Variants in GRIN1 observed in about 807,000 individuals in gnomAD.
The protein encoded by GRIN1 is glutamate ionotropic receptor NMDA type subunit 1, also known as glutamate receptor ionotropic, NMDA 1.
GRIN1 carries 38 observed loss-of-function variants against 103.0 expected under a neutral mutation model. That is an observed-to-expected ratio of 0.37 (90% CI 0.28 to 0.48). The LOEUF (loss-of-function observed/expected upper bound fraction) is 0.48. GRIN1 is among the 20% of genes least tolerant of loss of function. The probability of loss-of-function intolerance (pLI) is 0.98; values close to 1 mark genes in which losing one functional copy is unlikely to be tolerated. For synonymous variants in GRIN1, 544 were observed against 532.7 expected, an observed-to-expected ratio of 1.02 and a Z score of -0.29; for missense variants, 577 against 1,288.9, an observed-to-expected ratio of 0.45 and a Z score of 8.46.
chr9:137,150,291 A>C (rs1012904566), intron 4 of GRIN1, among the ~76,000 whole-genome samples: 1 of 152,140 alleles, frequency 6.6e-6, no homozygotes, highest in Non-Finnish European at 1.5e-5. Context: ...ACAGGTCCCA[A>C]AGAAGGAATG....
chr9:137,142,253 C>T, intron 2 of GRIN1, 106 bp downstream of exon 2: 1 of 1,095,886 alleles, frequency 9.1e-7, no homozygotes, highest in Non-Finnish European at 1.4e-6. Context: ...TCACACACCA[C>T]AAACAGCCAC....
chr9:137,163,544 T>C lies in GRIN1; in HGVS notation c.2334-15T>C, dbSNP rs1210728412. 4 of 1,582,714 alleles carry C rather than the reference T, an allele frequency of 2.5e-6. No individual in the cohort carries two copies. The highest frequency in any genetic ancestry group is 3.3e-5 in the Admixed American group (2 of 59,980). On this transcript the variant is annotated splice_polypyrimidine_tract_variant and intron_variant, in intron 16 of 19. Transcript: ENST00000371561. ...GGCCCCGCCTCACTGCAGGCTCACT[T>C]GTTCCCACCGCCAGGTCCCACGAGA...
chr9:137,148,277 C>T, intron 3 of GRIN1: 1 of 1,074,052 alleles, frequency 9.3e-7, no homozygotes, highest in Non-Finnish European at 1.4e-6. Flanking sequence ...GCGCCTCGGC[C>T]ACTAGGGCCA....
In GRIN1 at chr9:137,146,595, C is replaced by T. The variant is rs1330522796; in HGVS notation, c.570+693C>T. On this transcript the variant is annotated intron_variant, in intron 3 of 19. Transcript: ENST00000371561. The surrounding 1 kb of genome is among the most constrained non-coding windows in gnomAD (Gnocchi z 6.7). ...CTGTGGGGCTGCAGAGAGATCAGAGCTGGGATTTGGGGGGGTCCGAGCGAC... is the reference window on the plus strand; with the variant it reads ...CTGTGGGGCTGCAGAGAGATCAGAGTTGGGATTTGGGGGGGTCCGAGCGAC... Among the ~76,000 whole-genome samples, 1 of 152,174 alleles carries T rather than the reference C, an allele frequency of 6.6e-6. No homozygotes were observed. The highest frequency in any genetic ancestry group is 1.9e-4 in the East Asian group (1 of 5,178).
At chr9:137,148,084 C>A in intron 3 of GRIN1, 1 of 1,060,696 alleles carries the variant, frequency 9.4e-7, no homozygotes, top group South Asian at 1.4e-5. Context: ...GCTTTAGCGC[C>A]GTCATTTTCA....
chr9:137,161,241 G>A (rs1290856205), intron 9 of GRIN1, 44 bp downstream of exon 9: 2 of 1,610,078 alleles, frequency 1.2e-6, no homozygotes, highest in East Asian at 2.2e-5. Flanking sequence ...CAGGGCGCGG[G>A]GCGTGGGGCG....
In GRIN1 at chr9:137,156,339, A is replaced by G. The variant is rs115011370; in HGVS notation, c.672-330A>G. On this transcript the variant is annotated intron_variant, in intron 4 of 19. Transcript: ENST00000371561. ...TCCCATAAGCCAGGTATCTAACCCC[A>G]TCCCTGCTCCCCCAAGGTAAGGGCC... is the stretch of plus-strand genomic sequence containing the variant. 0.022 allele frequency among the ~76,000 whole-genome samples: 3,289 copies of G among 151,924 alleles called. 112 individuals are homozygous for G. Among genetic ancestry groups the G allele is most frequent in the African/African-American group, 0.074 (3,074 of 41,396 alleles).
chr9:137,166,945 T>C (rs1833911502), intron 19 of GRIN1, among the ~76,000 whole-genome samples: 1 of 152,160 alleles, frequency 6.6e-6, no homozygotes, highest in Non-Finnish European at 1.5e-5. Flanking sequence ...GTGCAGGTGA[T>C]GGGCCACTTT....
chr9:137,161,563 G>A, intron 10 of GRIN1, 147 bp downstream of exon 10: 1 of 734,092 alleles, frequency 1.4e-6, no homozygotes, highest in South Asian at 1.7e-5. Flanking sequence ...CTGCGGGCTG[G>A]GTCCTGGCGT....
At chr9:137,140,279 C>T (rs1212961779) in intron 1 of GRIN1, among the ~76,000 whole-genome samples, 1 of 152,190 alleles carries the variant, frequency 6.6e-6, no homozygotes, top group African/African-American at 2.4e-5. Flanking sequence ...GGCATCAGGG[C>T]ATGGGAGCTG....
intron 4 of GRIN1, among the ~76,000 whole-genome samples, chr9:137,152,402 C>T (rs1250173596): frequency 6.6e-6 from 1 of 152,184 alleles, no homozygotes; most frequent in Non-Finnish European, 1.5e-5. Context: ...CTAAAACATA[C>T]CTGTTCCACT....
At chr9:137,141,483 C>G (rs926957468) in intron 1 of GRIN1, among the ~76,000 whole-genome samples, 1 of 152,196 alleles carries the variant, frequency 6.6e-6, no homozygotes, top group Non-Finnish European at 1.5e-5. Flanking sequence ...TCAGACAGAG[C>G]CCGTCACAGG....
In GRIN1 at chr9:137,157,044, G is replaced by A. The variant is rs201212306; in HGVS notation, c.968+7G>A. 3.1e-5 allele frequency: 50 copies of A among 1,607,852 alleles called. No homozygotes were observed. The highest frequency in any genetic ancestry group is 4.2e-5 in the Non-Finnish European group (50 of 1,177,408). ...CCGGGCCGCTCTTCAAGAGGTGGGC[G>A]GGGCCTCCCCGGAGCTGGGCGGGGC... On this transcript the variant is annotated splice_region_variant and intron_variant, in intron 6 of 19. Coordinates refer to ENST00000371561, the MANE Select transcript of GRIN1 (RefSeq NM_007327.4).
rs770728444 is a variant in GRIN1, at chr9:137,165,191, A to G, written c.2595A>G (p.Arg865=). Residue 865 remains arginine (R), a synonymous_variant, in exon 19 of 20, where the codon AGA becomes AGG. Transcript: ENST00000371561. ...VNVWRKNLQD[R]KSGRAEPDPK... ...CTTATACATATTCATTTTAGGATAG[A>G]AAGAGTGGTAGAGCAGAGCCTGACC... 7 of 1,601,482 alleles carry G rather than the reference A, an allele frequency of 4.4e-6. No homozygotes were observed. The Admixed American group carries it at 1.2e-4, about 27-fold the overall frequency.
intron 18 of GRIN1, 163 bp from the exon 19 acceptor site, chr9:137,165,023 C>T (rs1367165261): frequency 1.5e-6 from 1 of 682,632 alleles, no homozygotes; most frequent in African/African-American, 1.8e-5. Flanking sequence ...GAAGAGGCCA[C>T]CCTCGAACGT....
At chr9:137,144,446 A>T (rs558286843) in intron 2 of GRIN1, among the ~76,000 whole-genome samples, 1 of 151,668 alleles carries the variant, frequency 6.6e-6, no homozygotes, top group Admixed American at 6.6e-5. Context: ...CGAGGTCAGG[A>T]GATCGAGACC....
chr9:137,163,017 G>A lies in GRIN1; in HGVS notation c.2171+14G>A, dbSNP rs377411804. The A allele has an allele frequency of 1.3e-6, 2 of 1,579,644 alleles. No homozygotes were observed. The highest frequency in any genetic ancestry group is 1.3e-5 in the African/African-American group (1 of 74,464). ...CGTGAGAGACAAGTGAGGCGCGGGC[G>A]GCCACCCTGGCGGGGCGGGACAGGT... On this transcript the variant is annotated intron_variant, in intron 15 of 19. Transcript: ENST00000371561.
rs768094787 is a variant in GRIN1, at chr9:137,163,337, G to C, written c.2333+7G>C. 1.2e-6 allele frequency: 2 copies of C among 1,613,232 alleles called. No individual in the cohort carries two copies. The highest frequency in any genetic ancestry group is 3.3e-5 in the Admixed American group (2 of 60,020). ...TCTCCCTGTCCATCCTCAAGTGAGT[G>C]TCCGTGCGCCCGCGTCCCTCCTCCG... On this transcript the variant is annotated splice_region_variant and intron_variant, in intron 16 of 19. Coordinates refer to ENST00000371561, the MANE Select transcript of GRIN1 (RefSeq NM_007327.4).
chr9:137,162,741 T>C lies in GRIN1; in HGVS notation c.2013+2T>C. 6.2e-7 allele frequency: 1 copy of C among 1,603,486 alleles called. No homozygotes were observed. Among genetic ancestry groups the C allele is most frequent in the Non-Finnish European group, 8.5e-7 (1 of 1,175,844 alleles). On this transcript the variant is annotated splice_donor_variant, in intron 14 of 19. Coordinates refer to ENST00000371561, the MANE Select transcript of GRIN1 (RefSeq NM_007327.4). LOFTEE classifies it high-confidence loss of function. ...ATCACGGGCATCAACGACCCTCGGGTGAGGCCTGGCCGGGCTGGGGGAGGG... is the reference window on the plus strand; with the variant it reads ...ATCACGGGCATCAACGACCCTCGGGCGAGGCCTGGCCGGGCTGGGGGAGGG...
Sources: allele counts gnomAD v4.1 joint callset (sites outside exome capture counted in the v4.1 genomes callset), GRCh38; gene constraint gnomAD v4.1.1; non-coding constraint Gnocchi (gnomAD v3.1); transcripts MANE v1.5; gene names NCBI Gene and HGNC (gene_info 2026-07-23, HGNC 2026-07-21).